The following CSMD1 variants were observed in gnomAD, a reference collection of about 807,000 sequenced individuals.
The protein encoded by CSMD1 is CUB and Sushi multiple domains 1, also known as CUB and sushi domain-containing protein 1.
In CSMD1, 213 loss-of-function variants were observed where a neutral mutation model predicts 417.5. The ratio of observed to expected loss-of-function variants is 0.51; its 90% CI spans 0.46 to 0.57. The LOEUF is 0.57. Ranked by LOEUF, CSMD1 falls within the 20% of genes least tolerant of loss-of-function variation. The pLI, the probability that CSMD1 is intolerant of heterozygous loss-of-function variation, is 0.00. For synonymous variants in CSMD1, 2,862 were observed against 1,736.8 expected (o/e 1.65, Z -16.11); for missense variants, 6,923 against 4,529.7 (o/e 1.53, Z -15.17).
chr8:3,339,033 T>C (rs899672673), intron 23 of CSMD1, among the ~76,000 whole-genome samples: 1 of 136,614 alleles, frequency 7.3e-6, no homozygotes, highest in Non-Finnish European at 1.5e-5. Flanking sequence ...CCCCTTCCTG[T>C]GTCCATGTGA....
chr8:4,883,702 A>T (rs1008309675), intron 1 of CSMD1, among the ~76,000 whole-genome samples: 3 of 152,068 alleles, frequency 2.0e-5, no homozygotes, highest in Non-Finnish European at 4.4e-5. Context: ...TGGCCATACC[A>T]TATTTTGTGT....
At chr8:4,896,164 G>C (rs901126504) in intron 1 of CSMD1, among the ~76,000 whole-genome samples, 4 of 151,930 alleles carry the variant, frequency 2.6e-5, no homozygotes, top group Admixed American at 2.6e-4. Context: ...TTGAAAGATT[G>C]TTTCCTTTGT....
chr8:3,578,017 G>C (rs1176659655), intron 9 of CSMD1, among the ~76,000 whole-genome samples: 1 of 152,102 alleles, frequency 6.6e-6, no homozygotes, highest in Non-Finnish European at 1.5e-5. Flanking sequence ...TCCCCTAGCT[G>C]TCCTGCAGCT....
chr8:4,401,577 A>T (rs1804646024), intron 3 of CSMD1, among the ~76,000 whole-genome samples: 1 of 152,062 alleles, frequency 6.6e-6, no homozygotes, highest in African/African-American at 2.4e-5. Context: ...TGTCTAGACC[A>T]ATCCATCATG....
chr8:4,884,182 T>G (rs1413445222), intron 1 of CSMD1, among the ~76,000 whole-genome samples: 2 of 152,000 alleles, frequency 1.3e-5, no homozygotes, highest in African/African-American at 4.8e-5. Flanking sequence ...GTTGCCTTTT[T>G]ATTATTGAGC....
chr8:3,294,487 G>A (rs1310107474), intron 25 of CSMD1, among the ~76,000 whole-genome samples: 2 of 152,122 alleles, frequency 1.3e-5, no homozygotes, highest in African/African-American at 2.4e-5. Context: ...CAAGCTTCTG[G>A]GCCGTTTTTT....
chr8:3,424,499 G>C (rs1374039199), intron 12 of CSMD1, among the ~76,000 whole-genome samples: 1 of 152,094 alleles, frequency 6.6e-6, no homozygotes, highest in Non-Finnish European at 1.5e-5. Context: ...TGTCCCTTAG[G>C]TCATATAGAG....
At chr8:4,135,743 G>A (rs1308191028) in intron 3 of CSMD1, among the ~76,000 whole-genome samples, 1 of 152,096 alleles carries the variant, frequency 6.6e-6, no homozygotes, top group African/African-American at 2.4e-5. Context: ...ATCATTTAAA[G>A]AATTGCTGTG....
chr8:4,601,372 T>A (rs1800570888), intron 2 of CSMD1, among the ~76,000 whole-genome samples: 1 of 152,214 alleles, frequency 6.6e-6, no homozygotes, highest in African/African-American at 2.4e-5. Flanking sequence ...CTGAAGTGTC[T>A]GTTATCATGG....
intron 6 of CSMD1, among the ~76,000 whole-genome samples, chr8:3,752,652 C>A (rs1292699311): frequency 7.2e-6 from 1 of 139,100 alleles, no homozygotes; most frequent in African/African-American, 2.8e-5. Flanking sequence ...AGACTCTGTC[C>A]ACTGCCACCC....
intron 1 of CSMD1, among the ~76,000 whole-genome samples, chr8:4,962,752 A>G (rs771558680): frequency 6.6e-6 from 1 of 152,196 alleles, no homozygotes; most frequent in African/African-American, 2.4e-5. Context: ...CTAGCTGCCA[A>G]TGTTCTTGGG....
At chr8:3,134,950 G>A (rs986476205) in intron 41 of CSMD1, among the ~76,000 whole-genome samples, 1 of 152,166 alleles carries the variant, frequency 6.6e-6, no homozygotes, top group Non-Finnish European at 1.5e-5. Context: ...CTGAGACAGG[G>A]TCTCACTTTG....
intron 4 of CSMD1, among the ~76,000 whole-genome samples, chr8:4,005,896 G>A (rs183722515): frequency 2.6e-5 from 4 of 152,216 alleles, no homozygotes; most frequent in Admixed American, 2.0e-4. Flanking sequence ...AAAATCACTG[G>A]GAATTGGCTT....
At chr8:3,188,839 T>C (rs1796245336) in intron 35 of CSMD1, 48 bp downstream of exon 35, 2 of 1,422,808 alleles carry the variant, frequency 1.4e-6, no homozygotes, top group African/African-American at 1.4e-5. Flanking sequence ...AAGAAGCCCA[T>C]GGACCCCAGC....
At chr8:4,172,424 A>G (rs79069588) in intron 3 of CSMD1, among the ~76,000 whole-genome samples, 3,341 of 152,226 alleles carry the variant, frequency 0.022, 138 homozygotes, top group African/African-American at 0.075. Flanking sequence ...CCCGCGTTAC[A>G]CAGCATAGTC....
intron 7 of CSMD1, among the ~76,000 whole-genome samples, chr8:3,692,862 T>C (rs1800328948): frequency 6.6e-6 from 1 of 152,172 alleles, no homozygotes; most frequent in South Asian, 2.1e-4. Flanking sequence ...TTTGGAAAAA[T>C]GTTAATATTC....
At chr8:4,619,374 C>A (rs1046521185) in intron 2 of CSMD1, among the ~76,000 whole-genome samples, 3 of 152,108 alleles carry the variant, frequency 2.0e-5, no homozygotes, top group Admixed American at 1.3e-4. Context: ...AGACTGATGT[C>A]CAGTTTTGAG....
chr8:4,111,305 G>T (rs1314236709), intron 3 of CSMD1, among the ~76,000 whole-genome samples: 1 of 152,150 alleles, frequency 6.6e-6, no homozygotes, highest in Non-Finnish European at 1.5e-5. Context: ...AGAAGAATCT[G>T]ATGGCTGAAG....
At chr8:4,882,197 C>A (rs1215324506) in intron 1 of CSMD1, among the ~76,000 whole-genome samples, 1 of 151,990 alleles carries the variant, frequency 6.6e-6, no homozygotes, top group Non-Finnish European at 1.5e-5. Context: ...GTGGTGTACA[C>A]TGCGTGGTGG....
Sources: allele counts gnomAD v4.1 joint callset (sites outside exome capture counted in the v4.1 genomes callset), GRCh38; gene constraint gnomAD v4.1.1; transcripts MANE v1.5; gene names NCBI Gene and HGNC (gene_info 2026-07-23, HGNC 2026-07-21).